The following PAX5 variants were observed in gnomAD, a reference collection of about 807,000 sequenced individuals.
PAX5 encodes the protein paired box protein Pax-5.
In PAX5, 9 loss-of-function variants were observed where a neutral mutation model predicts 43.7. The ratio of observed to expected loss-of-function variants is 0.21; its 90% CI spans 0.12 to 0.36. The LOEUF is 0.36. PAX5 is among the 10% of genes least tolerant of loss of function. The probability of loss-of-function intolerance (pLI) is 1.00; values close to 1 mark genes in which losing one functional copy is unlikely to be tolerated. For missense variants in PAX5, 383 were observed against 532.7 expected, an observed-to-expected ratio of 0.72 and a Z score of 2.77; for synonymous variants, 228 against 214.3, an observed-to-expected ratio of 1.06 and a Z score of -0.56.
At position 36,838,809 on chromosome 9, in the gene PAX5, G is replaced by A. The variant is rs577892175; in HGVS notation, c.*1751C>T. On this transcript the variant is annotated 3_prime_UTR_variant, in exon 10 of 10. Coordinates refer to ENST00000358127, the MANE Select transcript of PAX5 (RefSeq NM_016734.3). ...GTGGGGTGGCCCTACAGATGACCCT[G>A]CTGCACCAAGGCAGCCAAGGCTCAA... 1 of 233,382 alleles carries A rather than the reference G, an allele frequency of 4.3e-6. No homozygotes were observed. The highest frequency in any genetic ancestry group is 1.8e-4 in the South Asian group (1 of 5,530). The allele number at this position is 233,382 out of a possible 1,614,324, so 14.5% of individuals were successfully genotyped here.
chr9:36,981,150 G>T (rs1028725429), intron 5 of PAX5, among the ~76,000 whole-genome samples: 1 of 147,650 alleles, frequency 6.8e-6, no homozygotes, highest in African/African-American at 2.5e-5. Context: ...TCAAACGTCA[G>T]CTCATCAGTA....
chr9:37,021,211 C>T (rs141269314), intron 1 of PAX5, among the ~76,000 whole-genome samples: 117 of 152,276 alleles, frequency 7.7e-4, no homozygotes, highest in African/African-American at 2.7e-3. Context: ...AAATAAAACT[C>T]GTTTCCTTTT....
At chr9:36,888,465 T>C (rs998292995) in intron 7 of PAX5, among the ~76,000 whole-genome samples, 2 of 152,202 alleles carry the variant, frequency 1.3e-5, no homozygotes, top group African/African-American at 4.8e-5. Context: ...CATACTACAG[T>C]AGCAACATTC....
chr9:37,034,098 C>CTTTTTTTTTTTTTTTTTTTT lies in PAX5; in HGVS notation c.-87_-68dup, dbSNP rs576653546. ...TCCACTTTTTTGTGCCTTTTTTTTT[C>CTTTTTTTTTTTTTTTTTTTT]TTTTTTTTTTTTTTTTTTTTTTTTT... On this transcript the variant is annotated 5_prime_UTR_variant, in exon 1 of 10. Coordinates refer to ENST00000358127, the MANE Select transcript of PAX5 (RefSeq NM_016734.3). 183 of 320,078 alleles carry CTTTTTTTTTTTTTTTTTTTT rather than the reference C, an allele frequency of 5.7e-4. 14 individuals are homozygous for CTTTTTTTTTTTTTTTTTTTT. Among genetic ancestry groups the CTTTTTTTTTTTTTTTTTTTT allele is most frequent in the South Asian group, 2.8e-3 (95 of 33,892 alleles). The allele number at this position is 320,078 out of a possible 1,614,324, so 19.8% of individuals were successfully genotyped here.
At chr9:36,938,424 A>G (rs1831746225) in intron 6 of PAX5, among the ~76,000 whole-genome samples, 1 of 152,120 alleles carries the variant, frequency 6.6e-6, no homozygotes, top group African/African-American at 2.4e-5. Context: ...TAGACTCCTG[A>G]TTTTATTTCC....
chr9:36,923,426 T>C lies in PAX5; in HGVS notation c.839A>G (p.Asn280Ser), dbSNP rs1224232555. 3.1e-6 allele frequency: 5 copies of C among 1,613,012 alleles called. No individual in the cohort carries two copies. The highest frequency in any genetic ancestry group is 3.4e-6 in the Non-Finnish European group (4 of 1,179,978). ...GTCAGCAGGGGTGGGGCTGGCCAGA[T>C]TGGCCTTCATGTCGTCCAGCCCACC... ...LAGGLDDMKA[N>S]LASPTPADIG... Residue 280 changes from asparagine (N) to serine (S), a missense_variant, in exon 7 of 10, where the codon AAT becomes AGT. By Grantham distance (46) the Asn-to-Ser change is conservative. Around this residue, in one of 5 missense-constraint regions of PAX5, gnomAD observed 291 missense variants for 342.5 expected, o/e 0.85. Coordinates refer to ENST00000358127, the MANE Select transcript of PAX5 (RefSeq NM_016734.3).
intron 8 of PAX5, among the ~76,000 whole-genome samples, chr9:36,875,121 C>T (rs891493791): frequency 1.6e-4 from 25 of 152,180 alleles, no homozygotes; most frequent in African/African-American, 5.6e-4. Context: ...CCTCCCACTG[C>T]TTCCCCATGT....
intron 8 of PAX5, among the ~76,000 whole-genome samples, chr9:36,853,632 A>G (rs1587760530): frequency 1.3e-5 from 2 of 152,376 alleles, no homozygotes; most frequent in Admixed American, 1.3e-4. Context: ...TTTCAGACAA[A>G]TGGTGGGTTT....
intron 8 of PAX5, among the ~76,000 whole-genome samples, chr9:36,871,757 A>T (rs1248850279): frequency 1.3e-5 from 2 of 152,164 alleles, no homozygotes; most frequent in African/African-American, 2.4e-5. Flanking sequence ...AAACTGGGGA[A>T]ATCTAACAAG....
Position 36,840,287 on chromosome 9 carries a change from A to G in PAX5, c.*273T>C, listed in dbSNP as rs1408197009. On this transcript the variant is annotated 3_prime_UTR_variant, in exon 10 of 10. Transcript: ENST00000358127. ...GGCAGGCTGGGCTGGGGCTGCGGTT[A>G]TTTGCAGGACAGTCTATTGGTTTGC... 2.2e-5 allele frequency: 12 copies of G among 555,342 alleles called. No individual in the cohort carries two copies. Among genetic ancestry groups the G allele is most frequent in the South Asian group, 8.7e-5 (4 of 46,000 alleles). The allele number at this position is 555,342 out of a possible 1,614,324, so 34.4% of individuals were successfully genotyped here.
At chr9:36,903,584 A>G (rs768050607) in intron 7 of PAX5, among the ~76,000 whole-genome samples, 1 of 152,232 alleles carries the variant, frequency 6.6e-6, no homozygotes, top group Non-Finnish European at 1.5e-5. Context: ...TGGCCCAGGC[A>G]GGAACATGAA....
At chr9:36,872,631 C>T (rs1825587968) in intron 8 of PAX5, among the ~76,000 whole-genome samples, 1 of 152,168 alleles carries the variant, frequency 6.6e-6, no homozygotes, top group Admixed American at 6.5e-5. Flanking sequence ...CTTTTCTTCC[C>T]AAATGCAGGC....
At chr9:37,031,493 A>AGTT in intron 1 of PAX5, among the ~76,000 whole-genome samples, 1 of 152,238 alleles carries the variant, frequency 6.6e-6, no homozygotes, top group East Asian at 1.9e-4. Flanking sequence ...TAAGGACTCA[A>AGTT]GGGTTCCCAT....
chr9:36,986,602 GGAAGTCGTCT>G (rs1836440037), intron 5 of PAX5, among the ~76,000 whole-genome samples: 1 of 152,064 alleles, frequency 6.6e-6, no homozygotes, highest in African/African-American at 2.4e-5. Flanking sequence ...GTGACCTCCT[GGAAGTCGTCT>G]GCCCTCCGCC....
At chr9:36,999,743 G>T (rs1837691915) in intron 5 of PAX5, among the ~76,000 whole-genome samples, 1 of 152,228 alleles carries the variant, frequency 6.6e-6, no homozygotes, top group Non-Finnish European at 1.5e-5. Flanking sequence ...GTTTGCAGCT[G>T]CCATGGGCCA....
At chr9:37,019,422 C>T (rs1247937799) in intron 2 of PAX5, among the ~76,000 whole-genome samples, 4 of 152,118 alleles carry the variant, frequency 2.6e-5, no homozygotes, top group African/African-American at 7.2e-5. Context: ...CTGGAGGATG[C>T]GGAATGAACC....
At chr9:36,949,937 C>T (rs1030924032) in intron 6 of PAX5, among the ~76,000 whole-genome samples, 1 of 152,242 alleles carries the variant, frequency 6.6e-6, no homozygotes. Flanking sequence ...CGATCTTCAC[C>T]TACCCTCGAC....
intron 1 of PAX5, among the ~76,000 whole-genome samples, chr9:37,026,048 C>T (rs541978988): frequency 3.3e-5 from 5 of 152,330 alleles, no homozygotes; most frequent in South Asian, 4.1e-4. Context: ...CCTCGCTTAG[C>T]TCTCAACCTC....
At chr9:36,869,146 A>AGATG (rs1825180542) in intron 8 of PAX5, among the ~76,000 whole-genome samples, 1 of 152,208 alleles carries the variant, frequency 6.6e-6, no homozygotes, top group South Asian at 2.1e-4. Flanking sequence ...CGGTTGGTCC[A>AGATG]GATGAAGACT....
Sources: gnomAD v4.1 joint callset for allele counts (sites outside exome capture counted in the v4.1 genomes callset) on GRCh38, gnomAD v4.1.1 for gene constraint, gnomAD v4.1.1 regional missense constraint, MANE v1.5 for transcripts, NCBI Gene and HGNC (gene_info 2026-07-23, HGNC 2026-07-21) for gene names.